Variants in LRRTM4 observed in about 807,000 individuals in gnomAD.
The protein encoded by LRRTM4 is leucine rich repeat transmembrane neuronal 4, also known as leucine-rich repeat transmembrane neuronal protein 4.
Under a neutral mutation model 47.6 loss-of-function variants are expected in LRRTM4, and 25 were observed. That is an observed-to-expected ratio of 0.53 (90% CI 0.38 to 0.73). The LOEUF (loss-of-function observed/expected upper bound fraction) is 0.73. Among genes scored for constraint, LRRTM4 ranks in the 30% least tolerant of loss-of-function variants. The pLI is 0.00. For missense variants in LRRTM4, 638 were observed against 713.4 expected (o/e 0.89, Z 1.20); for synonymous variants, 311 against 269.5 (o/e 1.15, Z -1.51).
intron 3 of LRRTM4, among the ~76,000 whole-genome samples, chr2:77,495,596 T>A (rs985748634): frequency 6.6e-6 from 1 of 152,018 alleles, no homozygotes; most frequent in Non-Finnish European, 1.5e-5. Context: ...GATTTTTGCT[T>A]GATTTTGGCA....
At chr2:76,917,423 G>A (rs1674290220) in intron 3 of LRRTM4, among the ~76,000 whole-genome samples, 1 of 152,108 alleles carries the variant, frequency 6.6e-6, no homozygotes, top group South Asian at 2.1e-4. Context: ...CTCCATTGGA[G>A]GAGTTAACTC....
intron 3 of LRRTM4, among the ~76,000 whole-genome samples, chr2:77,054,131 A>G (rs372893608): frequency 1.3e-5 from 2 of 152,292 alleles, no homozygotes; most frequent in East Asian, 3.9e-4. Context: ...CACAGTAGCA[A>G]TCTCAAGGAG....
chr2:77,058,439 C>T (rs1368073344), intron 3 of LRRTM4, among the ~76,000 whole-genome samples: 1 of 152,068 alleles, frequency 6.6e-6, no homozygotes, highest in Non-Finnish European at 1.5e-5. Context: ...AAAATAAATC[C>T]TTGGAATCCA....
At position 76,814,750 on chromosome 2, in the gene LRRTM4, G is replaced by C. The variant is rs147718433; in HGVS notation, c.1552-65834C>G. ...GGAGCCAACCACCCACAGATACAAA[G>C]GGATGACTGTAATAACAATAGCAAT... On this transcript the variant is annotated intron_variant, in intron 3 of 3. Coordinates refer to ENST00000409884, the MANE Select transcript of LRRTM4 (RefSeq NM_001134745.3). Among the ~76,000 whole-genome samples, 8 of 151,396 alleles carry C rather than the reference G, an allele frequency of 5.3e-5. No individual in the cohort carries two copies. In the East Asian group the frequency reaches 1.6e-3, roughly 30 times the overall value.
At chr2:77,012,125 G>A (rs772845166) in intron 3 of LRRTM4, among the ~76,000 whole-genome samples, 1 of 152,058 alleles carries the variant, frequency 6.6e-6, no homozygotes, top group African/African-American at 2.4e-5. Flanking sequence ...ACCATACAGG[G>A]AATGAATTCT....
intron 3 of LRRTM4, among the ~76,000 whole-genome samples, chr2:76,955,790 C>T (rs1236612358): frequency 6.6e-6 from 1 of 151,642 alleles, no homozygotes; most frequent in African/African-American, 2.4e-5. Flanking sequence ...CAAGAGTGGG[C>T]CCTCACCAGA....
intron 3 of LRRTM4, among the ~76,000 whole-genome samples, chr2:77,499,722 A>T (rs1460247311): frequency 2.0e-5 from 3 of 151,906 alleles, no homozygotes; most frequent in African/African-American, 7.2e-5. Flanking sequence ...TTTCATAGAC[A>T]TTATGCAAGC....
At chr2:76,972,264 T>G (rs987781844) in intron 3 of LRRTM4, among the ~76,000 whole-genome samples, 2 of 151,998 alleles carry the variant, frequency 1.3e-5, no homozygotes, top group African/African-American at 4.8e-5. Context: ...GCTGGGCATG[T>G]GAATATAGCC....
intron 3 of LRRTM4, among the ~76,000 whole-genome samples, chr2:76,787,004 G>GACTTGTGAA (rs1553408527): frequency 6.6e-6 from 1 of 151,838 alleles, no homozygotes; most frequent in Non-Finnish European, 1.5e-5. Flanking sequence ...ATGGTCAGGT[G>GACTTGTGAA]ACTTGTGGAA....
intron 3 of LRRTM4, among the ~76,000 whole-genome samples, chr2:76,830,193 C>T (rs2103890644): frequency 6.6e-6 from 1 of 152,078 alleles, no homozygotes; most frequent in East Asian, 1.9e-4. Flanking sequence ...CCAGATTCTT[C>T]CATATCTATA....
At chr2:77,498,189 T>A (rs1678433827) in intron 3 of LRRTM4, among the ~76,000 whole-genome samples, 1 of 151,884 alleles carries the variant, frequency 6.6e-6, no homozygotes, top group Admixed American at 6.6e-5. Flanking sequence ...CCTGTGAGCC[T>A]TAAACTCAAT....
intron 3 of LRRTM4, among the ~76,000 whole-genome samples, chr2:77,429,394 T>C (rs936833628): frequency 1.3e-5 from 2 of 152,124 alleles, no homozygotes; most frequent in African/African-American, 4.8e-5. Flanking sequence ...AAAAGACTCC[T>C]GCACTCCCAT....
intron 3 of LRRTM4, among the ~76,000 whole-genome samples, chr2:76,808,261 G>A (rs567800598): frequency 8.6e-5 from 13 of 151,946 alleles, no homozygotes; most frequent in East Asian, 7.8e-4. Context: ...TTCGTGATCC[G>A]CCTGCCTTGA....
intron 3 of LRRTM4, among the ~76,000 whole-genome samples, chr2:77,085,743 A>C (rs975311532): frequency 2.6e-5 from 4 of 152,284 alleles, no homozygotes; most frequent in African/African-American, 9.6e-5. Flanking sequence ...GTCTCTTTTC[A>C]GTATTGTGTA....
chr2:76,828,875 A>G (rs1191728264), intron 3 of LRRTM4, among the ~76,000 whole-genome samples: 3 of 151,794 alleles, frequency 2.0e-5, no homozygotes, highest in East Asian at 1.9e-4. Context: ...CTGGCTGTAC[A>G]TTTTTCTTTA....
At chr2:77,200,904 C>G (rs1417614655) in intron 3 of LRRTM4, among the ~76,000 whole-genome samples, 10 of 152,142 alleles carry the variant, frequency 6.6e-5, no homozygotes. Context: ...TTCTGAACTC[C>G]ACCTGCCACA....
chr2:76,967,361 T>C (rs924159302), intron 3 of LRRTM4, among the ~76,000 whole-genome samples: 13 of 151,518 alleles, frequency 8.6e-5, no homozygotes, highest in Non-Finnish European at 5.9e-5. Flanking sequence ...CAACACTATA[T>C]ACAGTTCCAC....
chr2:77,273,105 A>T (rs1465552758), intron 3 of LRRTM4, among the ~76,000 whole-genome samples: 2 of 152,122 alleles, frequency 1.3e-5, no homozygotes, highest in Non-Finnish European at 2.9e-5. Flanking sequence ...TCATCCTGTT[A>T]ATTTCCAAGT....
chr2:77,434,600 T>C (rs1356271896), intron 3 of LRRTM4, among the ~76,000 whole-genome samples: 3 of 152,294 alleles, frequency 2.0e-5, no homozygotes, highest in Admixed American at 6.5e-5. Flanking sequence ...TTAATAACCA[T>C]TGGTACATAA....
Sources: allele counts gnomAD v4.1 joint callset (sites outside exome capture counted in the v4.1 genomes callset), GRCh38; gene constraint gnomAD v4.1.1; transcripts MANE v1.5; gene names NCBI Gene and HGNC (gene_info 2026-07-23, HGNC 2026-07-21).